CAPN3: variants seen among roughly 807,000 people sequenced by gnomAD.
CAPN3 encodes the protein calpain-3.
Under a neutral mutation model 114.0 loss-of-function variants are expected in CAPN3, and 88 were observed. The ratio of observed to expected loss-of-function variants is 0.77; its 90% CI spans 0.65 to 0.92. The LOEUF (loss-of-function observed/expected upper bound fraction) is 0.92, where lower values mean the gene tolerates loss of function less well. Ranked by LOEUF, CAPN3 falls within the 40% of genes least tolerant of loss-of-function variation. The pLI is 0.00. For missense variants in CAPN3, 1,028 were observed against 1,069.0 expected (o/e 0.96, Z 0.53); for synonymous variants, 386 against 382.9 (o/e 1.01, Z -0.09).
In CAPN3 at chr15:42,378,077, T is replaced by C. The variant is rs190952237; in HGVS notation, c.310-6406T>C. On this transcript the variant is annotated intron_variant, in intron 1 of 23. Coordinates refer to ENST00000397163, the MANE Select transcript of CAPN3 (RefSeq NM_000070.3). ...AACATACCAAGACACCAATATTTAG[T>C]GAAAGAGCAGCTAGGGGTCCAAGCC... 3.3e-5 allele frequency among the ~76,000 whole-genome samples: 5 copies of C among 152,290 alleles called. No homozygotes were observed. In the East Asian group the frequency reaches 9.6e-4, roughly 29 times the overall value.
In CAPN3 at chr15:42,405,931, G is replaced by C. The variant is rs576834485; in HGVS notation, c.1788G>C (p.Lys596Asn). ...NTISVDRPVK[K>N]KKTKPIIFVS... is the part of the protein sequence containing the mutation. ...TGTTTCCTTTTCTTATGCAGAAAAA[G>C]AAAAAAACCAAGGTAGGTGTGTGGG... The change falls in exon 15 of 24, where the codon AAG becomes AAC. Residue 596 changes from lysine to asparagine, a missense_variant. Physicochemically the swap from Lys to Asn is moderately conservative, Grantham distance 94. Coordinates refer to ENST00000397163, the MANE Select transcript of CAPN3 (RefSeq NM_000070.3). The C allele has an allele frequency of 6.2e-6, 10 of 1,611,982 alleles. No homozygotes were observed. The highest frequency in any genetic ancestry group is 6.8e-6 in the Non-Finnish European group (8 of 1,178,318).
chr15:42,407,971 A>G (rs2054071506), intron 15 of CAPN3, among the ~76,000 whole-genome samples: 1 of 152,184 alleles, frequency 6.6e-6, no homozygotes, highest in African/African-American at 2.4e-5. Flanking sequence ...TTAGCATTTC[A>G]CGTGCTGAGC....
intron 1 of CAPN3, among the ~76,000 whole-genome samples, chr15:42,377,729 T>C (rs1028942748): frequency 2.0e-4 from 30 of 152,220 alleles, no homozygotes; most frequent in Non-Finnish European, 4.4e-5. Flanking sequence ...ATGGAAGATA[T>C]TGTGGAAAAT....
intron 16 of CAPN3, chr15:42,408,806 A>G: frequency 3.4e-6 from 1 of 298,290 alleles, no homozygotes; most frequent in Non-Finnish European, 6.5e-6. Flanking sequence ...CTCCAGACCA[A>G]TCCAGGGCCC....
intron 1 of CAPN3, among the ~76,000 whole-genome samples, chr15:42,362,195 A>G (rs570318071): frequency 7.2e-5 from 11 of 152,266 alleles, no homozygotes; most frequent in South Asian, 2.1e-4. Context: ...GGGAGCATCA[A>G]TTGAGCTCAG....
intron 1 of CAPN3, among the ~76,000 whole-genome samples, chr15:42,378,608 T>C (rs1387705464): frequency 6.6e-6 from 1 of 152,198 alleles, no homozygotes. Context: ...TTGTTTTCAT[T>C]GACTTTCTAT....
rs2053915450 is a variant in CAPN3, at chr15:42,402,928, G to A, written c.1671G>A (p.Val557=). ...TGCCTCCCAGCGAGTACGTCATCGT[G>A]CCCTCCACCTACGAGCCCCACCAGG... ...FRLPPSEYVI[V]PSTYEPHQEG... is the part of the protein sequence containing the mutation. The change falls in exon 13 of 24, where the codon GTG becomes GTA. Residue 557 remains valine, a synonymous_variant. Transcript: ENST00000397163. 1.9e-6 allele frequency: 3 copies of A among 1,614,166 alleles called. No individual in the cohort carries two copies. The Middle Eastern group carries it at 4.9e-4, about 266-fold the overall frequency.
intron 6 of CAPN3, 87 bp from the exon 7 acceptor site, chr15:42,392,552 G>A: frequency 9.6e-7 from 1 of 1,036,718 alleles, no homozygotes; most frequent in Non-Finnish European, 1.5e-6. Flanking sequence ...ACAGAGCCCG[G>A]AAAATGAACT....
At chr15:42,397,909 CTACTTGGGAGGCTGA>C (rs1167431595) in intron 9 of CAPN3, among the ~76,000 whole-genome samples, 1 of 151,946 alleles carries the variant, frequency 6.6e-6, no homozygotes, top group African/African-American at 2.4e-5. Flanking sequence ...GTAGTCCCAG[CTACTTGGGAGGCTGA>C]AGCAGGGGGT....
intron 10 of CAPN3, among the ~76,000 whole-genome samples, chr15:42,401,353 A>G (rs1025158014): frequency 6.6e-6 from 1 of 152,054 alleles, no homozygotes; most frequent in African/African-American, 2.4e-5. Context: ...CTAGTCACCA[A>G]CAGCGTTTAA....
intron 1 of CAPN3, among the ~76,000 whole-genome samples, chr15:42,372,510 T>C (rs1235514296): frequency 6.6e-6 from 1 of 151,954 alleles, no homozygotes; most frequent in Non-Finnish European, 1.5e-5. Flanking sequence ...TTAACAAAAA[T>C]GGTTAAACAA....
intron 16 of CAPN3, 28 bp from the exon 17 acceptor site, chr15:42,409,275 G>A: frequency 1.2e-6 from 2 of 1,612,238 alleles, no homozygotes; most frequent in Non-Finnish European, 1.7e-6. Flanking sequence ...TGACCCCTGT[G>A]AACCAGTTTT....
At chr15:42,396,923 G>A in intron 9 of CAPN3, 46 bp downstream of exon 9, 1 of 1,415,114 alleles carries the variant, frequency 7.1e-7, no homozygotes, top group African/African-American at 1.4e-5. Flanking sequence ...GGGTGGGGAA[G>A]AGAGGGGAAA....
chr15:42,405,463 A>G (rs1255271101), intron 14 of CAPN3, among the ~76,000 whole-genome samples: 2 of 152,132 alleles, frequency 1.3e-5, no homozygotes, highest in African/African-American at 4.8e-5. Flanking sequence ...GGTGCCCACC[A>G]TCACGCCTGG....
chr15:42,406,513 T>TC (rs1264557681), intron 15 of CAPN3, among the ~76,000 whole-genome samples: 67 of 151,626 alleles, frequency 4.4e-4, no homozygotes, highest in African/African-American at 1.1e-3. Flanking sequence ...CTCTTTTTTT[T>TC]CCCCCCCAAT....
At chr15:42,390,274 A>T (rs1431119070) in intron 6 of CAPN3, among the ~76,000 whole-genome samples, 178 bp downstream of exon 6, 1 of 152,238 alleles carries the variant, frequency 6.6e-6, no homozygotes, top group Non-Finnish European at 1.5e-5. Context: ...GGGTGCAAGA[A>T]CCAGGATTTT....
intron 10 of CAPN3, 38 bp downstream of exon 10, chr15:42,399,690 A>G: frequency 6.5e-7 from 1 of 1,542,544 alleles, no homozygotes; most frequent in Non-Finnish European, 8.8e-7. Flanking sequence ...GTCTAAGCCG[A>G]AAAAGTTCCA....
At chr15:42,390,853 C>T (rs2053537603) in intron 6 of CAPN3, among the ~76,000 whole-genome samples, 1 of 145,944 alleles carries the variant, frequency 6.9e-6, no homozygotes, top group African/African-American at 2.5e-5. Flanking sequence ...CACAGTGGTG[C>T]CATCTCGGCT....
chr15:42,360,823 G>A (rs183845501), intron 1 of CAPN3, among the ~76,000 whole-genome samples: 3 of 152,114 alleles, frequency 2.0e-5, no homozygotes, highest in South Asian at 2.1e-4. Flanking sequence ...TACAGTGATC[G>A]CCAGGAGGGA....
Sources: gnomAD v4.1 joint callset for allele counts (sites outside exome capture counted in the v4.1 genomes callset) on GRCh38, gnomAD v4.1.1 for gene constraint, MANE v1.5 for transcripts, NCBI Gene and HGNC (gene_info 2026-07-23, HGNC 2026-07-21) for gene names.